Variants in SMCO2 observed in about 807,000 individuals in gnomAD.
SMCO2 encodes the protein single-pass membrane protein with coiled-coil domains 2.
In SMCO2, 25 loss-of-function variants were observed where a neutral mutation model predicts 29.5. The ratio of observed to expected loss-of-function variants is 0.85; its 90% CI spans 0.62 to 1.18. The LOEUF (loss-of-function observed/expected upper bound fraction) is 1.18, where lower values mean the gene tolerates loss of function less well. Ranked by LOEUF, SMCO2 falls within the 50% of genes most tolerant of loss-of-function variation. The probability of loss-of-function intolerance (pLI) is 0.00; values close to 1 mark genes in which losing one functional copy is unlikely to be tolerated. For synonymous variants in SMCO2, 117 were observed against 123.3 expected, an observed-to-expected ratio of 0.95 and a Z score of 0.34; for missense variants, 348 against 344.5, an observed-to-expected ratio of 1.01 and a Z score of -0.08.
chr12:27,491,351 T>C (rs1283328816), intron 5 of SMCO2, among the ~76,000 whole-genome samples: 2 of 146,920 alleles, frequency 1.4e-5, no homozygotes, highest in Non-Finnish European at 2.9e-5. Context: ...TTACACTTTC[T>C]AATAGAATTT....
At chr12:27,432,051 G>A in the SMCO2 span, among the ~76,000 whole-genome samples, 1 of 152,032 alleles carries the variant, frequency 6.6e-6, no homozygotes, top group Non-Finnish European at 1.5e-5. Flanking sequence ...GTGTCTTTTC[G>A]ATGTTTGTTG....
At chr12:27,497,898 G>T in intron 7 of SMCO2, 1 of 351,378 alleles carries the variant, frequency 2.8e-6, no homozygotes. Context: ...CAAAAGATTG[G>T]TTGGTATGAT....
At chr12:27,455,752 A>T in the SMCO2 span, among the ~76,000 whole-genome samples, 1 of 152,258 alleles carries the variant, frequency 6.6e-6, no homozygotes, top group Non-Finnish European at 1.5e-5. Flanking sequence ...GGAGGAATCA[A>T]TGGCTTATAT....
intron 6 of SMCO2, 35 bp from the exon 8 acceptor site, chr12:27,495,645 T>A: frequency 7.0e-7 from 1 of 1,426,552 alleles, no homozygotes; most frequent in Non-Finnish European, 9.3e-7. Context: ...ACATTTAGAA[T>A]TTTTTTAAGG....
At chr12:27,470,791 G>A in intron 2 of SMCO2, 26 bp downstream of exon 2, 1 of 1,547,486 alleles carries the variant, frequency 6.5e-7, no homozygotes. Context: ...GCTTGCAGAA[G>A]CAGTTTCTAG....
chr12:27,477,422 T>G (rs945100416), intron 4 of SMCO2, among the ~76,000 whole-genome samples: 2 of 151,910 alleles, frequency 1.3e-5, no homozygotes, highest in Non-Finnish European at 2.9e-5. Flanking sequence ...GGAGAAGACT[T>G]TTTTGATACA....
chr12:27,495,999 T>G, intron 7 of SMCO2, 144 bp downstream of exon 8: 1 of 801,672 alleles, frequency 1.2e-6, no homozygotes, highest in South Asian at 4.7e-5. Context: ...TAAAAGTCAT[T>G]GGAGTTCATT....
At chr12:27,465,575 C>T (rs576695253), upstream of SMCO2, among the ~76,000 whole-genome samples, 9 of 152,274 alleles carry the variant, frequency 5.9e-5, no homozygotes, top group South Asian at 1.7e-3. Flanking sequence ...AGGGTGATAA[C>T]GAGACCTAAA....
rs1353927541 is a variant in SMCO2, at chr12:27,484,968, CT to C, written c.363-3490del. The stretch of plus-strand genomic sequence containing the variant: ...TTTCTTTTGTTAAGTTGCGTTGTGC[CT>C]TATGGCTCTGCAAGTTTGTAGTTTA... On this transcript the variant is annotated intron_variant, in intron 4 of 7. Coordinates refer to ENST00000298876, the Ensembl canonical transcript of SMCO2. Among the ~76,000 whole-genome samples, 10 of 149,452 alleles carry C rather than the reference CT, an allele frequency of 6.7e-5. No homozygotes were observed. In the East Asian group the frequency reaches 1.7e-3, roughly 26 times the overall value.
intron 4 of SMCO2, among the ~76,000 whole-genome samples, chr12:27,478,500 G>A (rs1336595150): frequency 6.6e-6 from 1 of 152,204 alleles, no homozygotes; most frequent in Admixed American, 6.5e-5. Context: ...GTAGCAGCAG[G>A]CCAATCCTTG....
intron 4 of SMCO2, among the ~76,000 whole-genome samples, chr12:27,477,613 C>T (rs1379951145): frequency 6.2e-5 from 8 of 129,482 alleles, no homozygotes; most frequent in Non-Finnish European, 1.1e-4. Flanking sequence ...TCAGGTAGGG[C>T]TTTCTTCATT....
chr12:27,472,704 A>C, intron 2 of SMCO2, 72 bp from the exon 3 acceptor site: 2 of 1,096,332 alleles, frequency 1.8e-6, no homozygotes, highest in Non-Finnish European at 2.7e-6. Flanking sequence ...CCCTTTAGAA[A>C]GGAGTAGTGC....
the SMCO2 span, among the ~76,000 whole-genome samples, chr12:27,430,012 C>A: frequency 3.9e-5 from 6 of 152,194 alleles, no homozygotes; most frequent in Non-Finnish European, 8.8e-5. Context: ...AGTCTTTGAT[C>A]TAGCTGAAGT....
the SMCO2 span, among the ~76,000 whole-genome samples, chr12:27,443,547 C>T: frequency 6.6e-6 from 1 of 152,230 alleles, no homozygotes; most frequent in East Asian, 1.9e-4. Context: ...AAACAAAAGG[C>T]ATCTAAACTG....
the SMCO2 span, among the ~76,000 whole-genome samples, chr12:27,449,917 CT>C: frequency 6.6e-6 from 1 of 152,324 alleles, no homozygotes; most frequent in East Asian, 1.9e-4. Flanking sequence ...TCCTGTAGGA[CT>C]GTTGAAAGAC....
At chr12:27,429,931 C>T in the SMCO2 span, among the ~76,000 whole-genome samples, 17 of 152,282 alleles carry the variant, frequency 1.1e-4, 1 homozygote, top group South Asian at 3.3e-3. Context: ...AAAACTTCTC[C>T]ACCCCAAGAT....
At chr12:27,449,642 C>T in the SMCO2 span, among the ~76,000 whole-genome samples, 1 of 152,210 alleles carries the variant, frequency 6.6e-6, no homozygotes, top group South Asian at 2.1e-4. Context: ...ATTTAGTTCT[C>T]ATCTGGTCCC....
At chr12:27,432,874 C>A in the SMCO2 span, among the ~76,000 whole-genome samples, 1 of 152,144 alleles carries the variant, frequency 6.6e-6, no homozygotes, top group East Asian at 1.9e-4. Context: ...TCCTCCCAGA[C>A]AAATTCTTTC....
chr12:27,445,250 T>C, the SMCO2 span, among the ~76,000 whole-genome samples: 357 of 152,320 alleles, frequency 2.3e-3, no homozygotes, highest in African/African-American at 8.1e-3. Flanking sequence ...CTGAACTGCA[T>C]TTAAAAATGG....
Sources: gnomAD v4.1 joint callset for allele counts (sites outside exome capture counted in the v4.1 genomes callset) on GRCh38, gnomAD v4.1.1 for gene constraint, MANE v1.5 for transcripts, NCBI Gene and HGNC (gene_info 2026-07-23, HGNC 2026-07-21) for gene names.